EIF4G3: variants seen among roughly 807,000 people sequenced by gnomAD.
The protein encoded by EIF4G3 is eukaryotic translation initiation factor 4 gamma 3, also known as eIF-4-gamma 3.
EIF4G3 carries 34 observed loss-of-function variants against 186.4 expected under a neutral mutation model. The ratio of observed to expected loss-of-function variants is 0.18; its 90% CI spans 0.14 to 0.24. EIF4G3 has a LOEUF of 0.24. Among genes scored for constraint, EIF4G3 ranks in the 10% least tolerant of loss-of-function variants. The probability of loss-of-function intolerance (pLI) is 1.00; values close to 1 mark genes in which losing one functional copy is unlikely to be tolerated. For synonymous variants in EIF4G3, 673 were observed against 679.5 expected, an observed-to-expected ratio of 0.99 and a Z score of 0.15; for missense variants, 1,536 against 1,948.5, an observed-to-expected ratio of 0.79 and a Z score of 3.99.
At chr1:20,854,464 T>G (rs2074263133) in intron 26 of EIF4G3, among the ~76,000 whole-genome samples, 1 of 149,810 alleles carries the variant, frequency 6.7e-6, no homozygotes, top group Non-Finnish European at 1.5e-5. Context: ...GAGGCCAAGG[T>G]GGGAGGATCA....
chr1:20,845,930 C>T (rs182351496), intron 29 of EIF4G3, among the ~76,000 whole-genome samples: 2 of 152,254 alleles, frequency 1.3e-5, no homozygotes, highest in Non-Finnish European at 2.9e-5. Flanking sequence ...TCTTCCTATC[C>T]ACAAGCATGG....
chr1:20,856,715 G>C (rs2075016339), intron 25 of EIF4G3, among the ~76,000 whole-genome samples: 1 of 152,134 alleles, frequency 6.6e-6, no homozygotes, highest in South Asian at 2.1e-4. Flanking sequence ...GTTTAAACAG[G>C]TGATTGCTTT....
intron 2 of EIF4G3, among the ~76,000 whole-genome samples, chr1:21,172,955 A>G (rs1172621293): frequency 1.3e-5 from 2 of 150,108 alleles, no homozygotes; most frequent in African/African-American, 2.4e-5. Context: ...CCTGGCCAAC[A>G]CAGTGAAACC....
In EIF4G3 at chr1:20,863,378, T is replaced by TAAAAAAAAAAAAAAAAAAAA. The variant is rs3051243; in HGVS notation, c.3007-1066_3007-1047dup. ...TGAGACCCATCATCTCTACAAAAAG[T>TAAAAAAAAAAAAAAAAAAAA]AAAAAAAAAAAAAAAAAAAAAAAAT... On this transcript the variant is annotated intron_variant, in intron 22 of 36. Coordinates refer to ENST00000602326, the MANE Select transcript of EIF4G3 (RefSeq NM_001391906.1). Among the ~76,000 whole-genome samples, 146 of 102,452 alleles carry TAAAAAAAAAAAAAAAAAAAA rather than the reference T, an allele frequency of 1.4e-3. 3 individuals carry two copies. The highest frequency in any genetic ancestry group is 3.8e-3 in the South Asian group (13 of 3,402). The allele number at this position is 102,452 out of a possible 152,430, so 67.2% of individuals were successfully genotyped here.
At chr1:20,920,333 TTAATA>T (rs1322642504) in intron 14 of EIF4G3, among the ~76,000 whole-genome samples, 2 of 152,236 alleles carry the variant, frequency 1.3e-5, no homozygotes, top group African/African-American at 4.8e-5. Context: ...AAACTTTGAT[TTAATA>T]TATTTTATTC....
intron 3 of EIF4G3, among the ~76,000 whole-genome samples, chr1:21,062,601 A>AT (rs1039480803): frequency 6.6e-6 from 1 of 151,676 alleles, no homozygotes; most frequent in African/African-American, 2.4e-5. Flanking sequence ...AGATATACCT[A>AT]TTTTTTTGAG....
chr1:20,848,813 C>T (rs757174334), intron 29 of EIF4G3, among the ~76,000 whole-genome samples: 1 of 151,616 alleles, frequency 6.6e-6, no homozygotes, highest in Non-Finnish European at 1.5e-5. Context: ...TTTGGGAGTC[C>T]GAGGTGGGTG....
intron 4 of EIF4G3, among the ~76,000 whole-genome samples, chr1:21,037,950 TGGA>T (rs1344815056): frequency 1.3e-5 from 2 of 152,144 alleles, no homozygotes; most frequent in Non-Finnish European, 2.9e-5. Flanking sequence ...TGAGAATCTC[TGGA>T]GAAGGGGACC....
intron 3 of EIF4G3, 90 bp from the exon 4 acceptor site, chr1:21,051,084 T>A (rs1405434691): frequency 2.8e-5 from 19 of 688,976 alleles, no homozygotes; most frequent in Non-Finnish European, 4.5e-5. Context: ...TAATTGGATT[T>A]CCTACCTCAC....
chr1:20,816,405 C>T (rs1181861318), intron 34 of EIF4G3, among the ~76,000 whole-genome samples: 6 of 112,686 alleles, frequency 5.3e-5, no homozygotes, highest in East Asian at 3.0e-4. Context: ...CCGCCCCGTC[C>T]GGGAGGTGGG....
intron 6 of EIF4G3, chr1:20,998,824 A>C (rs1327944671): frequency 2.4e-6 from 1 of 423,964 alleles, no homozygotes; most frequent in African/African-American, 2.0e-5. Flanking sequence ...GCAGTGTTTA[A>C]TGTAAACCAT....
intron 4 of EIF4G3, among the ~76,000 whole-genome samples, chr1:21,025,907 C>T (rs1355503106): frequency 6.6e-6 from 1 of 152,038 alleles, no homozygotes; most frequent in East Asian, 1.9e-4. Flanking sequence ...ACCTAAAAAC[C>T]CAATAACAAA....
intron 4 of EIF4G3, among the ~76,000 whole-genome samples, chr1:21,022,753 C>T (rs1175750298): frequency 6.6e-6 from 1 of 152,154 alleles, no homozygotes; most frequent in Non-Finnish European, 1.5e-5. Context: ...TAAGCTAGGT[C>T]TATTTGGAAA....
chr1:21,049,142 C>A (rs1334330821), intron 4 of EIF4G3, among the ~76,000 whole-genome samples: 1 of 152,168 alleles, frequency 6.6e-6, no homozygotes, highest in Non-Finnish European at 1.5e-5. Context: ...CAGCTCTTGG[C>A]TATAAGAGAT....
rs114852542 is a variant in EIF4G3 at position 21,061,712 on chromosome 1, T to G, written c.-195-10718A>C. ...CTCAAGGTTGTGCTCACTCTCATTA[T>G]GTAATCAATATGGTTTATTTCTCTG... On this transcript the variant is annotated intron_variant, in intron 3 of 36. Transcript: ENST00000602326. Among the ~76,000 whole-genome samples, 845 of 152,040 alleles carry G rather than the reference T, an allele frequency of 5.6e-3. 7 individuals carry two copies. Among genetic ancestry groups the G allele is most frequent in the African/African-American group, 0.019 (805 of 41,452 alleles).
intron 12 of EIF4G3, among the ~76,000 whole-genome samples, chr1:20,952,678 G>C (rs528643831): frequency 6.6e-6 from 1 of 151,992 alleles, no homozygotes; most frequent in Non-Finnish European, 1.5e-5. Context: ...ATGAAACCCC[G>C]TCTCTACCAA....
At chr1:20,979,858 C>T (rs1038050268) in intron 10 of EIF4G3, among the ~76,000 whole-genome samples, 17 of 151,504 alleles carry the variant, frequency 1.1e-4, no homozygotes, top group Non-Finnish European at 1.8e-4. Flanking sequence ...TCAAGCCATT[C>T]TCCTGCCTCA....
At chr1:21,153,228 T>TA (rs139397438) in intron 2 of EIF4G3, among the ~76,000 whole-genome samples, 1,927 of 152,288 alleles carry the variant, frequency 0.013, 43 homozygotes, top group African/African-American at 0.044. Flanking sequence ...AGCTAAAAAG[T>TA]ACTACATCTC....
chr1:20,860,108 C>T (rs1372619734), intron 24 of EIF4G3, among the ~76,000 whole-genome samples: 3 of 152,164 alleles, frequency 2.0e-5, no homozygotes, highest in Non-Finnish European at 2.9e-5. Flanking sequence ...TTTCCACTTC[C>T]TTTTCTCGTC....
Sources: gnomAD v4.1 joint callset for allele counts (sites outside exome capture counted in the v4.1 genomes callset) on GRCh38, gnomAD v4.1.1 for gene constraint, MANE v1.5 for transcripts, NCBI Gene and HGNC (gene_info 2026-07-23, HGNC 2026-07-21) for gene names.